MAST4: variants seen among roughly 807,000 people sequenced by gnomAD.
MAST4 encodes microtubule-associated serine/threonine-protein kinase 4.
In MAST4, 89 loss-of-function variants were observed where a neutral mutation model predicts 162.7. The ratio of observed to expected loss-of-function variants is 0.55; its 90% confidence interval spans 0.46 to 0.65. MAST4 has a LOEUF of 0.65. Among genes scored for constraint, MAST4 ranks in the 30% least tolerant of loss-of-function variants. The pLI, the probability that MAST4 is intolerant of heterozygous loss-of-function variation, is 0.00. For missense variants in MAST4, 3,153 were observed against 3,374.0 expected (o/e 0.93, Z 1.62); for synonymous variants, 1,479 against 1,361.1 (o/e 1.09, Z -1.91).
At chr5:66,808,256 G>T (rs1004467489) in intron 3 of MAST4, among the ~76,000 whole-genome samples, 6 of 152,202 alleles carry the variant, frequency 3.9e-5, no homozygotes, top group Non-Finnish European at 7.3e-5. Context: ...AGGGGGACTC[G>T]TGGATAGTGC....
At chr5:66,945,621 C>T (rs1440767794) in intron 4 of MAST4, among the ~76,000 whole-genome samples, 1 of 152,132 alleles carries the variant, frequency 6.6e-6, no homozygotes, top group Non-Finnish European at 1.5e-5. Context: ...CCTTAGCTGT[C>T]TCTGTGTCTG....
In MAST4 at chr5:66,788,792, C is replaced by G; in HGVS notation, c.640C>G (p.Leu214Val). Residue 214 changes from leucine (L) to valine (V), a missense_variant and splice_region_variant, in exon 3 of 29, where the codon CTG becomes GTG. Around this residue, in one of 7 missense-constraint regions of MAST4, gnomAD observed 327 missense variants for 336.5 expected, o/e 0.97. Transcript: ENST00000403625. ...GTCGGCGCCCTCGCTCACCGCCAGC[C>G]TGGTGAGTGTCCGCGGGCGCCGGTG... Reference protein sequence around the residue: ...GQSAPSLTASLKELSLPRRGS... With the variant: ...GQSAPSLTASVKELSLPRRGS... 1 of 1,577,904 alleles carries G rather than the reference C, an allele frequency of 6.3e-7. No individual in the cohort carries two copies. The highest frequency in any genetic ancestry group is 8.6e-7 in the Non-Finnish European group (1 of 1,163,076).
intron 4 of MAST4, among the ~76,000 whole-genome samples, chr5:66,951,553 G>A (rs1225248950): frequency 6.6e-6 from 1 of 151,412 alleles, no homozygotes; most frequent in African/African-American, 2.4e-5. Context: ...CAGGTTCTGG[G>A]GATTGCTACA....
At chr5:66,888,096 A>C (rs1762155037) in intron 3 of MAST4, among the ~76,000 whole-genome samples, 1 of 149,896 alleles carries the variant, frequency 6.7e-6, no homozygotes. Flanking sequence ...CTTTAAAAAA[A>C]CTGTACCCTG....
chr5:66,790,165 G>A (rs900634958), intron 3 of MAST4, among the ~76,000 whole-genome samples: 5 of 151,936 alleles, frequency 3.3e-5, no homozygotes, highest in Admixed American at 2.0e-4. Context: ...ATAAATCAAT[G>A]TATTGTGTCT....
At chr5:66,682,506 T>C (rs1748395009) in intron 1 of MAST4, among the ~76,000 whole-genome samples, 1 of 152,230 alleles carries the variant, frequency 6.6e-6, no homozygotes, top group African/African-American at 2.4e-5. Context: ...CTTTGAATAC[T>C]GGGCCTACTG....
At chr5:66,955,330 C>T (rs528322698) in intron 4 of MAST4, among the ~76,000 whole-genome samples, 1 of 151,878 alleles carries the variant, frequency 6.6e-6, no homozygotes, top group East Asian at 1.9e-4. Context: ...GAGAAGAGTT[C>T]TAGGCAGTGG....
chr5:67,157,114 G>A (rs897087748), intron 26 of MAST4, among the ~76,000 whole-genome samples: 5 of 152,222 alleles, frequency 3.3e-5, no homozygotes, highest in Non-Finnish European at 7.3e-5. Flanking sequence ...AATCGACCTA[G>A]TAAGCCACCT....
At chr5:67,028,059 C>T (rs1754876336) in intron 4 of MAST4, among the ~76,000 whole-genome samples, 1 of 152,054 alleles carries the variant, frequency 6.6e-6, no homozygotes, top group African/African-American at 2.4e-5. Context: ...GACAGGAAAA[C>T]ACAAAGAAGT....
chr5:66,671,326 C>T (rs914862851), intron 1 of MAST4, among the ~76,000 whole-genome samples: 2 of 152,172 alleles, frequency 1.3e-5, no homozygotes, highest in Non-Finnish European at 1.5e-5. Flanking sequence ...TATCCTCCTG[C>T]TGTGTTTCCA....
At chr5:66,984,901 T>G (rs947053871) in intron 4 of MAST4, among the ~76,000 whole-genome samples, 29 of 152,062 alleles carry the variant, frequency 1.9e-4, no homozygotes, top group African/African-American at 6.5e-4. Context: ...TGGAAGAAAA[T>G]TAAAAGTTTT....
chr5:67,136,806 G>A (rs541467934), intron 19 of MAST4, 142 bp downstream of exon 19: 2 of 607,914 alleles, frequency 3.3e-6, no homozygotes, highest in African/African-American at 1.8e-5. Context: ...ACACATTATA[G>A]CAATAATATT....
intron 3 of MAST4, among the ~76,000 whole-genome samples, chr5:66,799,956 G>A (rs1755835845): frequency 6.6e-6 from 1 of 152,088 alleles, no homozygotes; most frequent in Non-Finnish European, 1.5e-5. Context: ...TACAACTGAG[G>A]ATATCCACTT....
chr5:66,974,655 T>TA (rs1163132739), intron 4 of MAST4, among the ~76,000 whole-genome samples: 2 of 152,144 alleles, frequency 1.3e-5, no homozygotes, highest in Non-Finnish European at 2.9e-5. Flanking sequence ...ATTTTAGAAA[T>TA]AAAAAATGAA....
chr5:66,734,365 C>T (rs1329140945), intron 1 of MAST4, among the ~76,000 whole-genome samples: 3 of 152,132 alleles, frequency 2.0e-5, no homozygotes, highest in Non-Finnish European at 4.4e-5. Flanking sequence ...TTTGGAAGCT[C>T]CTGAACTTGA....
At chr5:67,136,758 T>C (rs938955092) in intron 19 of MAST4, 94 bp downstream of exon 19, 6 of 890,858 alleles carry the variant, frequency 6.7e-6, no homozygotes, top group East Asian at 2.7e-5. Context: ...GCTTTTTGCA[T>C]AGGCAACATC....
In MAST4 at chr5:66,974,444, G is replaced by A. The variant is rs559166924; in HGVS notation, c.674+74462G>A. 3.9e-4 allele frequency among the ~76,000 whole-genome samples: 59 copies of A among 152,318 alleles called. 1 individual carries two copies. Among genetic ancestry groups the A allele is most frequent in the South Asian group, 3.5e-3 (17 of 4,818 alleles). On this transcript the variant is annotated intron_variant, in intron 4 of 28. Transcript: ENST00000403625. ...CTGAGATGAATCAGACTGACTGCAAGGGGTTTACAGATGTTTGTCTGGAGT... is the reference window on the plus strand; with the variant it reads ...CTGAGATGAATCAGACTGACTGCAAAGGGTTTACAGATGTTTGTCTGGAGT...
intron 1 of MAST4, among the ~76,000 whole-genome samples, chr5:66,732,979 C>T (rs752442640): frequency 3.9e-5 from 6 of 152,172 alleles, no homozygotes; most frequent in Non-Finnish European, 5.9e-5. Flanking sequence ...CTGCACCCCA[C>T]TCCTCCTTTT....
At chr5:66,677,211 A>G (rs1357342767) in intron 1 of MAST4, among the ~76,000 whole-genome samples, 2 of 152,214 alleles carry the variant, frequency 1.3e-5, no homozygotes, top group Admixed American at 1.3e-4. Flanking sequence ...TAGCAATAGT[A>G]TTTATTGAGA....
Sources: allele counts gnomAD v4.1 joint callset (sites outside exome capture counted in the v4.1 genomes callset), GRCh38; gene constraint gnomAD v4.1.1; regional missense constraint gnomAD v4.1.1; transcripts MANE v1.5; gene names NCBI Gene and HGNC (gene_info 2026-07-23, HGNC 2026-07-21).